The following PFKFB1 variants were observed in gnomAD, a reference collection of about 807,000 sequenced individuals.
The protein encoded by PFKFB1 is 6-phosphofructo-2-kinase/fructose-2,6-biphosphatase 1.
A neutral mutation model predicts 46.4 loss-of-function variants in PFKFB1; 34 were observed. The observed-to-expected ratio is 0.73, with a 90% confidence interval of 0.56 to 0.98. PFKFB1 has a LOEUF of 0.98. Among genes scored for constraint, PFKFB1 ranks in the 50% least tolerant of loss-of-function variants. The probability of loss-of-function intolerance (pLI) is 0.00; values close to 1 mark genes in which losing one functional copy is unlikely to be tolerated. For missense variants in PFKFB1, 393 were observed against 376.3 expected, an observed-to-expected ratio of 1.04 and a Z score of -0.37; for synonymous variants, 119 against 133.8, an observed-to-expected ratio of 0.89 and a Z score of 0.76.
intron 9 of PFKFB1, among the ~76,000 whole-genome samples, 170 bp from the exon 10 acceptor site, chrX:54,945,713 T>TGTGTGC (rs1435290508): frequency 9.5e-6 from 1 of 105,144 alleles, no homozygotes; most frequent in African/African-American, 3.7e-5. Context: ...TGTGTGTGTG[T>TGTGTGC]GTGTGTGCGT....
intron 1 of PFKFB1, among the ~76,000 whole-genome samples, chrX:54,993,033 G>A (rs755127825): frequency 2.7e-5 from 3 of 111,586 alleles, no homozygotes; most frequent in Non-Finnish European, 3.8e-5. Context: ...AGCATTAGCA[G>A]ACTGGAAACT....
At chrX:54,951,597 C>G (rs975847583) in intron 8 of PFKFB1, among the ~76,000 whole-genome samples, 1 of 112,526 alleles carries the variant, frequency 8.9e-6, no homozygotes, top group East Asian at 2.8e-4. Context: ...GGCACAAACT[C>G]GTGAGAAAGA....
At chrX:54,969,591 T>C (rs993873493) in intron 1 of PFKFB1, among the ~76,000 whole-genome samples, 2 of 112,122 alleles carry the variant, frequency 1.8e-5, no homozygotes, top group Non-Finnish European at 3.8e-5. Flanking sequence ...AAATACAATA[T>C]CCATTCGTAA....
chrX:54,953,611 C>A (rs1365785916), intron 7 of PFKFB1, among the ~76,000 whole-genome samples: 1 of 111,522 alleles, frequency 9.0e-6, no homozygotes, highest in East Asian at 2.8e-4. Flanking sequence ...TCTTCTAGAA[C>A]CCTCAGAGCC....
chrX:54,946,538 G>A (rs939058650), intron 9 of PFKFB1, among the ~76,000 whole-genome samples: 7 of 111,803 alleles, frequency 6.3e-5, no homozygotes, highest in African/African-American at 2.3e-4. Flanking sequence ...GGGTGAGGAA[G>A]TGAACCCCTA....
At chrX:54,984,473 A>C (rs958000552) in intron 1 of PFKFB1, among the ~76,000 whole-genome samples, 1 of 112,027 alleles carries the variant, frequency 8.9e-6, no homozygotes, top group African/African-American at 3.2e-5. Context: ...ACAACACAAC[A>C]ACCTTTTAAA....
chrX:54,967,157 A>G (rs748562527), intron 1 of PFKFB1, among the ~76,000 whole-genome samples: 24 of 112,219 alleles, frequency 2.1e-4, no homozygotes, highest in Non-Finnish European at 3.9e-4. Flanking sequence ...CAGAATCTCA[A>G]CACAATACTC....
chrX:54,954,544 T>C (rs1259293929), intron 7 of PFKFB1, among the ~76,000 whole-genome samples: 2 of 111,821 alleles, frequency 1.8e-5, no homozygotes, highest in Non-Finnish European at 3.8e-5. Context: ...AAATAAAAGT[T>C]TTTAAGATAG....
At chrX:54,967,224 C>A in intron 1 of PFKFB1, among the ~76,000 whole-genome samples, 1 of 112,000 alleles carries the variant, frequency 8.9e-6, no homozygotes, top group Non-Finnish European at 1.9e-5. Flanking sequence ...ATAAAAATTT[C>A]AATTAACATG....
At chrX:54,945,580 G>C in intron 9 of PFKFB1, 37 bp from the exon 10 acceptor site, 1 of 872,757 alleles carries the variant, frequency 1.1e-6, no homozygotes, top group African/African-American at 1.9e-5. Flanking sequence ...GTATTCACAA[G>C]ATGAAATTCC....
intron 1 of PFKFB1, among the ~76,000 whole-genome samples, chrX:54,976,188 C>T (rs1222240764): frequency 1.8e-5 from 2 of 110,504 alleles, no homozygotes; most frequent in African/African-American, 6.6e-5. Flanking sequence ...GTGAAAGACA[C>T]AAAGGAATGA....
Position 54,973,868 on chromosome X carries a change from A to C in PFKFB1, c.98-10486T>G, listed in dbSNP as rs1375249906. On this transcript the variant is annotated intron_variant, in intron 1 of 13. Coordinates refer to ENST00000375006, the MANE Select transcript of PFKFB1 (RefSeq NM_002625.4). ...GCAATTCAAAATCAAAGTTAAAAAA[A>C]ATTTACAATAGTTCTAATAAGACAA... Among the ~76,000 whole-genome samples the C allele has an allele frequency of 2.7e-5, 3 of 111,677 alleles. No individual in the cohort carries two copies. In the Admixed American group the frequency reaches 2.9e-4, roughly 11 times the overall value.
intron 1 of PFKFB1, among the ~76,000 whole-genome samples, chrX:54,974,786 G>A (rs776933660): frequency 2.9e-4 from 32 of 110,778 alleles, no homozygotes; most frequent in Non-Finnish European, 4.9e-4. Flanking sequence ...ATCAAAAAGT[G>A]GGCAAAGGAC....
At position 54,958,908 on chromosome X, in the gene PFKFB1, G is replaced by A; in HGVS notation, c.402C>T (p.Asn134=). The A allele has an allele frequency of 1.7e-6, 2 of 1,191,163 alleles. No homozygotes were observed. Among genetic ancestry groups the A allele is most frequent in the Non-Finnish European group, 2.3e-6 (2 of 877,486 alleles). ...TCAGTGACCGTCGTTCTCTGGTAGT[G>A]TTGGTGGCATCAAAAACCTAGAGGC... The part of the protein sequence containing the change: ...EGHVAVFDAT[N]TTRERRSLIL... Residue 134 remains asparagine (N), a synonymous_variant, in exon 5 of 14, where the codon AAC becomes AAT. Transcript: ENST00000375006.
intron 1 of PFKFB1, among the ~76,000 whole-genome samples, chrX:54,979,399 T>C (rs1235405801): frequency 1.8e-5 from 2 of 111,606 alleles, no homozygotes; most frequent in Non-Finnish European, 3.8e-5. Context: ...TAGTACGGTA[T>C]CTTACTCAAG....
chrX:54,934,874 G>A, intron 12 of PFKFB1, 73 bp downstream of exon 12: 1 of 878,188 alleles, frequency 1.1e-6, no homozygotes. Context: ...ACTCTTCTGG[G>A]CAAATGGTAG....
rs769450283 is a variant in PFKFB1 at position 54,959,922 on chromosome X, CAACCCTTATCCCCCAGG to C, written c.318-46_318-30del. 9.6e-6 allele frequency: 10 copies of C among 1,044,072 alleles called. No homozygotes were observed. The South Asian group carries it at 1.9e-4, about 20-fold the overall frequency. The allele number at this position is 1,044,072 out of a possible 1,213,427, so 86.0% of individuals were successfully genotyped here. A position where few individuals can be genotyped will look rare whatever the true frequency, so the allele number is the denominator to read the frequency against. ...AAATAGACCAGGAAAGAAAAAGAGGCAACCCTTATCCCCCAGGATGGATTTCTCTCTCATTGTCTGCA... is the reference window on the plus strand; with the variant it reads ...AAATAGACCAGGAAAGAAAAAGAGGCATGGATTTCTCTCTCATTGTCTGCA... On this transcript the variant is annotated intron_variant, in intron 3 of 13. Coordinates refer to ENST00000375006, the MANE Select transcript of PFKFB1 (RefSeq NM_002625.4).
chrX:54,968,880 C>A (rs1360812860), intron 1 of PFKFB1, among the ~76,000 whole-genome samples: 3 of 110,622 alleles, frequency 2.7e-5, no homozygotes, highest in African/African-American at 9.8e-5. Flanking sequence ...TCTGTGAGGC[C>A]AGCATTACCC....
At chrX:54,966,968 A>C (rs1934494851) in intron 1 of PFKFB1, among the ~76,000 whole-genome samples, 1 of 112,004 alleles carries the variant, frequency 8.9e-6, no homozygotes, top group Non-Finnish European at 1.9e-5. Flanking sequence ...AAAGATTTGG[A>C]AACTCAACTA....
Sources: gnomAD v4.1 joint callset for allele counts (sites outside exome capture counted in the v4.1 genomes callset) on GRCh38, gnomAD v4.1.1 for gene constraint, MANE v1.5 for transcripts, NCBI Gene and HGNC (gene_info 2026-07-23, HGNC 2026-07-21) for gene names.